The following HEATR3 variants were observed in gnomAD, a reference collection of about 807,000 sequenced individuals.
HEATR3 encodes HEAT repeat containing 3.
Under a neutral mutation model 72.8 loss-of-function variants are expected in HEATR3, and 56 were observed. That is an observed-to-expected ratio of 0.77 (90% CI 0.62 to 0.96). The LOEUF (loss-of-function observed/expected upper bound fraction) is 0.96. HEATR3 is among the 40% of genes least tolerant of loss of function. The probability of loss-of-function intolerance (pLI) is 0.00; values close to 1 mark genes in which losing one functional copy is unlikely to be tolerated. For missense variants in HEATR3, 747 were observed against 831.4 expected (o/e 0.90, Z 1.25); for synonymous variants, 331 against 318.1 (o/e 1.04, Z -0.43).
At chr16:50,089,834 A>G (rs2037069733) in intron 11 of HEATR3, among the ~76,000 whole-genome samples, 1 of 151,756 alleles carries the variant, frequency 6.6e-6, no homozygotes, top group African/African-American at 2.4e-5. Flanking sequence ...GCGCCCAGCT[A>G]ATTTTTGTAT....
At chr16:50,104,403 A>AT (rs200303162) in intron 14 of HEATR3, among the ~76,000 whole-genome samples, 4 of 147,692 alleles carry the variant, frequency 2.7e-5, no homozygotes, top group Admixed American at 6.8e-5. Context: ...TAACAAAGGA[A>AT]TTTTTTTTTT....
chr16:50,100,572 G>T, intron 13 of HEATR3, 199 bp downstream of exon 13: 1 of 523,472 alleles, frequency 1.9e-6, no homozygotes, highest in Non-Finnish European at 3.3e-6. Context: ...TTGAAAAGTT[G>T]AGCCACATTT....
At chr16:50,088,865 G>C (rs892840070) in intron 11 of HEATR3, among the ~76,000 whole-genome samples, 7 of 152,078 alleles carry the variant, frequency 4.6e-5, no homozygotes, top group African/African-American at 1.4e-4. Flanking sequence ...AGGTAACCCT[G>C]GCAGCCCTGG....
At chr16:50,102,488 A>G (rs184582473) in intron 14 of HEATR3, 53 bp downstream of exon 14, 2 of 1,545,962 alleles carry the variant, frequency 1.3e-6, no homozygotes, top group Non-Finnish European at 8.9e-7. Context: ...CTGTGGGGAC[A>G]AGGGTGTGTG....
intron 11 of HEATR3, among the ~76,000 whole-genome samples, chr16:50,092,178 C>G (rs1395576180): frequency 6.6e-6 from 1 of 150,886 alleles, no homozygotes; most frequent in Non-Finnish European, 1.5e-5. Flanking sequence ...TCTACAAATA[C>G]AAGAAAAATT....
At chr16:50,086,121 C>A in intron 10 of HEATR3, 94 bp from the exon 11 acceptor site, 1 of 1,146,634 alleles carries the variant, frequency 8.7e-7, no homozygotes, top group Non-Finnish European at 1.2e-6. Context: ...CAGATATTTC[C>A]AGTCAGAACG....
At position 50,083,354 on chromosome 16, in the gene HEATR3, G is replaced by GAAAA. The variant is rs377224129; in HGVS notation, c.1042-577_1042-574dup. The stretch of plus-strand genomic sequence containing the variant: ...TAAGTTGGCGTTATATATTTTCAGA[G>GAAAA]AAAAAAAAAGCTTCCTTCTTTCTTT... On this transcript the variant is annotated intron_variant, in intron 7 of 14. Transcript: ENST00000299192. Among the ~76,000 whole-genome samples the GAAAA allele has an allele frequency of 2.0e-3, 298 of 150,586 alleles. 1 individual carries two copies. Among genetic ancestry groups the GAAAA allele is most frequent in the African/African-American group, 7.0e-3 (289 of 41,054 alleles).
At chr16:50,086,474 G>T in intron 11 of HEATR3, 123 bp downstream of exon 11, 1 of 1,070,068 alleles carries the variant, frequency 9.3e-7, no homozygotes, top group Admixed American at 2.8e-5. Context: ...CCAGACACAG[G>T]AATCATGTAT....
intron 14 of HEATR3, 68 bp downstream of exon 14, chr16:50,102,503 T>TA: frequency 5.7e-6 from 8 of 1,412,710 alleles, no homozygotes; most frequent in East Asian, 2.3e-5. Context: ...TGTGTGTAGT[T>TA]ACCGCTGTGC....
intron 12 of HEATR3, 101 bp downstream of exon 12, chr16:50,094,894 C>A (rs914279934): frequency 3.0e-5 from 19 of 629,582 alleles, no homozygotes; most frequent in Non-Finnish European, 4.7e-5. Context: ...ATTTCTGTTA[C>A]AAGAATAATA....
chr16:50,104,834 A>C (rs548908514), intron 14 of HEATR3, 105 bp from the exon 15 acceptor site: 2 of 1,037,910 alleles, frequency 1.9e-6, no homozygotes, highest in South Asian at 3.8e-5. Context: ...TCTTACAGCT[A>C]TCTGCTTCAG....
At chr16:50,097,534 C>A (rs1462973360) in intron 12 of HEATR3, among the ~76,000 whole-genome samples, 7 of 151,872 alleles carry the variant, frequency 4.6e-5, no homozygotes, top group Non-Finnish European at 4.4e-5. Flanking sequence ...GGCTCCTGTG[C>A]CTCTTTTACA....
intron 13 of HEATR3, among the ~76,000 whole-genome samples, chr16:50,102,000 A>T (rs1285441157): frequency 4.6e-5 from 7 of 152,202 alleles, no homozygotes. Context: ...GGTAGAGGGG[A>T]AAATTTAGTG....
chr16:50,073,932 A>G (rs1220025347), intron 5 of HEATR3: 1 of 152,226 alleles, frequency 6.6e-6, no homozygotes, highest in Non-Finnish European at 1.5e-5. Context: ...ATATAGTAAA[A>G]TGAACTTATA....
intron 7 of HEATR3, chr16:50,080,219 T>C (rs1197602062): frequency 6.6e-6 from 1 of 152,034 alleles, no homozygotes; most frequent in African/African-American, 2.4e-5. Context: ...TTCAAAGAAA[T>C]CAAAATGTGG....
In HEATR3 at chr16:50,070,160, C is replaced by T. The variant is rs184185493; in HGVS notation, c.400-18C>T. 1 of 1,299,646 alleles carries T rather than the reference C, an allele frequency of 7.7e-7. No individual in the cohort carries two copies. The highest frequency in any genetic ancestry group is 1.5e-5 in the African/African-American group (1 of 68,466). The allele number at this position is 1,299,646 out of a possible 1,614,324, so 80.5% of individuals were successfully genotyped here. A position where few individuals can be genotyped will look rare whatever the true frequency, so the allele number is the denominator to read the frequency against. ...TCTTCTTAGGAACCAGGGTGCTAAT[C>T]ATGATATTTGGTTACAGTGTAGTGC... On this transcript the variant is annotated intron_variant, in intron 3 of 14. Coordinates refer to ENST00000299192, the MANE Select transcript of HEATR3 (RefSeq NM_182922.4).
intron 12 of HEATR3, among the ~76,000 whole-genome samples, chr16:50,098,803 A>G (rs2037303393): frequency 6.6e-6 from 1 of 152,110 alleles, no homozygotes; most frequent in Non-Finnish European, 1.5e-5. Flanking sequence ...TTTGCTATAC[A>G]GTGATATTAA....
At chr16:50,070,324 A>C (rs1346536220) in intron 4 of HEATR3, 34 bp downstream of exon 4, 1 of 1,055,860 alleles carries the variant, frequency 9.5e-7, no homozygotes, top group African/African-American at 1.6e-5. Context: ...CTCCTGCTAT[A>C]GCAGTACCCA....
intron 12 of HEATR3, chr16:50,098,432 GAT>G (rs1392128211): frequency 6.6e-6 from 1 of 152,128 alleles, no homozygotes; most frequent in Non-Finnish European, 1.5e-5. Context: ...GAGGTGGGCG[GAT>G]CACAAGGTCA....
Sources: allele counts gnomAD v4.1 joint callset (sites outside exome capture counted in the v4.1 genomes callset), GRCh38; gene constraint gnomAD v4.1.1; transcripts MANE v1.5; gene names NCBI Gene and HGNC (gene_info 2026-07-23, HGNC 2026-07-21).